KIF26B: variants seen among roughly 807,000 people sequenced by gnomAD.
The protein encoded by KIF26B is kinesin family member 26B, also known as kinesin-like protein KIF26B.
In KIF26B, 63 loss-of-function variants were observed where a neutral mutation model predicts 151.2. The observed-to-expected ratio is 0.42, with a 90% CI of 0.34 to 0.51. The LOEUF is 0.51. Among genes scored for constraint, KIF26B ranks in the 20% least tolerant of loss-of-function variants. KIF26B has a pLI of 0.07. For missense variants in KIF26B, 2,813 were observed against 2,913.6 expected, an observed-to-expected ratio of 0.97 and a Z score of 0.79; for synonymous variants, 1,357 against 1,262.1, an observed-to-expected ratio of 1.08 and a Z score of -1.59.
chr1:245,185,387 C>T (rs1346391176), intron 2 of KIF26B, among the ~76,000 whole-genome samples: 7 of 151,998 alleles, frequency 4.6e-5, no homozygotes, highest in African/African-American at 1.2e-4. Context: ...AATCAGGTGG[C>T]GGAGATACTT....
At chr1:245,556,111 C>A (rs1662018123) in intron 5 of KIF26B, among the ~76,000 whole-genome samples, 1 of 152,206 alleles carries the variant, frequency 6.6e-6, no homozygotes, top group African/African-American at 2.4e-5. Context: ...CTTACGTCTG[C>A]CTGGCAATGC....
intron 10 of KIF26B, among the ~76,000 whole-genome samples, chr1:245,663,613 T>C (rs55991654): frequency 0.037 from 5,640 of 152,252 alleles, 343 homozygotes; most frequent in African/African-American, 0.13. Context: ...GGGATAAAGA[T>C]AGTTTACTCC....
intron 2 of KIF26B, among the ~76,000 whole-genome samples, chr1:245,179,482 G>A (rs928641905): frequency 4.6e-5 from 7 of 152,042 alleles, no homozygotes; most frequent in African/African-American, 1.4e-4. Context: ...AAATTAGCCG[G>A]GCGTGGTGGT....
At chr1:245,322,756 C>G (rs1005040800) in intron 2 of KIF26B, among the ~76,000 whole-genome samples, 4 of 152,296 alleles carry the variant, frequency 2.6e-5, no homozygotes, top group African/African-American at 9.6e-5. Flanking sequence ...TAAAACACTT[C>G]TTGCTTTTTA....
chr1:245,269,951 A>G (rs1269827239), intron 2 of KIF26B, among the ~76,000 whole-genome samples: 1 of 152,234 alleles, frequency 6.6e-6, no homozygotes, highest in African/African-American at 2.4e-5. Context: ...AATTCTATTG[A>G]ATAAATACCC....
intron 4 of KIF26B, among the ~76,000 whole-genome samples, chr1:245,427,677 T>A (rs1358561551): frequency 2.6e-5 from 4 of 152,174 alleles, no homozygotes; most frequent in East Asian, 2.0e-4. Context: ...CTGTATTATT[T>A]TTTTTTCCTG....
intron 14 of KIF26B, among the ~76,000 whole-genome samples, chr1:245,699,290 C>G (rs1165655760): frequency 6.6e-6 from 1 of 152,108 alleles, no homozygotes; most frequent in Non-Finnish European, 1.5e-5. Flanking sequence ...TCCAAAGCAC[C>G]TGAAAATGAG....
chr1:245,575,016 C>T (rs2043104204), intron 5 of KIF26B, among the ~76,000 whole-genome samples: 1 of 151,322 alleles, frequency 6.6e-6, no homozygotes, highest in South Asian at 2.1e-4. Flanking sequence ...AGGCGCCCGC[C>T]ACCACACCCG....
rs139116227 is a variant in KIF26B, at chr1:245,347,569, G to T, written c.466-19265G>T. On this transcript the variant is annotated intron_variant, in intron 2 of 14. Transcript: ENST00000407071. ...ACTCCCGGGCTCAAGCAATCCTCCT[G>T]TCTCCCCCTAAACGGATAGCAGGCG... Among the ~76,000 whole-genome samples, 742 of 152,230 alleles carry T rather than the reference G, an allele frequency of 4.9e-3. 6 individuals are homozygous for T. The highest frequency in any genetic ancestry group is 0.017 in the African/African-American group (713 of 41,548).
rs184135673 is a variant in KIF26B at position 245,163,575 on chromosome 1, G to T, written c.465+6892G>T. On this transcript the variant is annotated intron_variant, in intron 2 of 14. Transcript: ENST00000407071. ...TCCAATTTTTTTTTTTGTTAGGACC[G>T]TGTTGAATGTATACATTAACCTGGG... is the stretch of plus-strand genomic sequence containing the variant. 5.4e-4 allele frequency among the ~76,000 whole-genome samples: 82 copies of T among 151,848 alleles called. 1 individual carries two copies. The highest frequency in any genetic ancestry group is 1.8e-3 in the African/African-American group (74 of 41,432).
intron 4 of KIF26B, among the ~76,000 whole-genome samples, chr1:245,464,905 A>C (rs1345684119): frequency 1.3e-5 from 2 of 152,012 alleles, no homozygotes; most frequent in Non-Finnish European, 2.9e-5. Flanking sequence ...CCGGGGTTCG[A>C]ATGCACAGGA....
intron 5 of KIF26B, among the ~76,000 whole-genome samples, chr1:245,593,205 A>G (rs1228092393): frequency 2.0e-5 from 3 of 152,096 alleles, no homozygotes; most frequent in Non-Finnish European, 4.4e-5. Context: ...CAGTTCTGGG[A>G]TACATGTATA....
Position 245,698,884 on chromosome 1 carries a change from T to C in KIF26B, c.6028-3T>C, listed in dbSNP as rs764263793. 21 of 1,613,234 alleles carry C rather than the reference T, an allele frequency of 1.3e-5. No individual in the cohort carries two copies. The highest frequency in any genetic ancestry group is 1.8e-5 in the Non-Finnish European group (21 of 1,179,426). On this transcript the variant is annotated splice_region_variant and splice_polypyrimidine_tract_variant and intron_variant, in intron 13 of 14. Transcript: ENST00000407071. This position sits in a 1 kb window ranked among gnomAD's most constrained non-coding sequence, Gnocchi z 4.0. ...CCCTTTCTCCTCTCTGTCTGTGTGC[T>C]AGGAGGCCATGTGCTTCAATGCAAA... is the stretch of plus-strand genomic sequence containing the variant.
intron 2 of KIF26B, among the ~76,000 whole-genome samples, chr1:245,247,955 C>T (rs1430680987): frequency 6.6e-6 from 1 of 152,162 alleles, no homozygotes; most frequent in Non-Finnish European, 1.5e-5. Flanking sequence ...CCCGTGTTAG[C>T]CCTGGTTCCG....
At chr1:245,552,472 G>A (rs1344214400) in intron 5 of KIF26B, among the ~76,000 whole-genome samples, 1 of 151,996 alleles carries the variant, frequency 6.6e-6, no homozygotes, top group African/African-American at 2.4e-5. Context: ...CTGAATACCG[G>A]GGCCCAGCCA....
rs559795590 is a variant in KIF26B at position 245,330,094 on chromosome 1, A to G, written c.466-36740A>G. 4.6e-5 allele frequency among the ~76,000 whole-genome samples: 7 copies of G among 152,028 alleles called. No individual in the cohort carries two copies. In the South Asian group the frequency reaches 1.5e-3, roughly 32 times the overall value. On this transcript the variant is annotated intron_variant, in intron 2 of 14. Transcript: ENST00000407071. Reference sequence around the variant, plus strand: ...AGTGAGCCACTGTGCCTGGCCCCCAAAAAGGATTTTAATGTTAGGAGCTGA... The same window carrying G: ...AGTGAGCCACTGTGCCTGGCCCCCAGAAAGGATTTTAATGTTAGGAGCTGA...
At chr1:245,538,439 A>G (rs1661532424) in intron 4 of KIF26B, among the ~76,000 whole-genome samples, 1 of 151,766 alleles carries the variant, frequency 6.6e-6, no homozygotes, top group South Asian at 2.1e-4. Context: ...AGTTTGTAGG[A>G]GGGAGAGGGA....
intron 5 of KIF26B, among the ~76,000 whole-genome samples, chr1:245,581,961 G>GAAGGAAAT (rs1298184576): frequency 8.6e-5 from 13 of 151,370 alleles, no homozygotes; most frequent in Non-Finnish European, 1.8e-4. Context: ...AGGAAGGAAG[G>GAAGGAAAT]AAATAAATAA....
At chr1:245,325,473 G>C (rs1671971493) in intron 2 of KIF26B, among the ~76,000 whole-genome samples, 1 of 152,198 alleles carries the variant, frequency 6.6e-6, no homozygotes, top group Admixed American at 6.5e-5. Flanking sequence ...CAGCACTTTG[G>C]AAAGCCGAGG....
Sources: allele counts gnomAD v4.1 joint callset (sites outside exome capture counted in the v4.1 genomes callset), GRCh38; gene constraint gnomAD v4.1.1; non-coding constraint Gnocchi (gnomAD v3.1); transcripts MANE v1.5; gene names NCBI Gene and HGNC (gene_info 2026-07-23, HGNC 2026-07-21).